AACS: variants seen among roughly 807,000 people sequenced by gnomAD.
The protein encoded by AACS is acetoacetate-CoA ligase.
AACS carries 69 observed loss-of-function variants against 83.1 expected under a neutral mutation model. That is an observed-to-expected ratio of 0.83 (90% CI 0.68 to 1.01). The LOEUF is 1.01. Ranked by LOEUF, AACS falls within the 50% of genes least tolerant of loss-of-function variation. The probability of loss-of-function intolerance (pLI) is 0.00; values close to 1 mark genes in which losing one functional copy is unlikely to be tolerated. For missense variants in AACS, 866 were observed against 882.2 expected (o/e 0.98, Z 0.23); for synonymous variants, 333 against 343.4 (o/e 0.97, Z 0.33).
At chr12:125,076,998 C>T (rs1323914102) in intron 3 of AACS, among the ~76,000 whole-genome samples, 12 of 152,070 alleles carry the variant, frequency 7.9e-5, no homozygotes, top group African/African-American at 2.9e-4. Flanking sequence ...GCCTCAATCT[C>T]CCAGGCTCAA....
At chr12:125,082,804 G>A (rs1162258230) in intron 3 of AACS, among the ~76,000 whole-genome samples, 1 of 152,136 alleles carries the variant, frequency 6.6e-6, no homozygotes, top group Non-Finnish European at 1.5e-5. Context: ...CTGGGTGACA[G>A]AGCGAGACTC....
intron 8 of AACS, among the ~76,000 whole-genome samples, chr12:125,111,003 C>T (rs917983571): frequency 6.6e-6 from 1 of 151,862 alleles, no homozygotes; most frequent in South Asian, 2.1e-4. Flanking sequence ...AGCCTGTCCA[C>T]GCACAGCAGG....
chr12:125,128,525 G>A lies in AACS; in HGVS notation c.1423+251G>A, dbSNP rs7295023. ...GAGAGATGTGTGCTCGGGAACAGTG[G>A]GCAGGTGGGTGGTCATTGCCCTGCA... On this transcript the variant is annotated intron_variant, in intron 13 of 17. Transcript: ENST00000316519. 863 of 325,124 alleles carry A rather than the reference G, an allele frequency of 2.7e-3. 9 individuals are homozygous for A. Among genetic ancestry groups the A allele is most frequent in the African/African-American group, 0.017 (801 of 47,062 alleles). The allele number at this position is 325,124 out of a possible 1,614,324, so 20.1% of individuals were successfully genotyped here.
chr12:125,141,702 AAAAAAAAAG>A (rs1296945860), intron 17 of AACS: 5 of 146,280 alleles, frequency 3.4e-5, no homozygotes, highest in South Asian at 1.7e-4. Flanking sequence ...GTCTCAAAAA[AAAAAAAAAG>A]AAAAAAAAAG....
chr12:125,093,954 G>A (rs1262788137), intron 5 of AACS, among the ~76,000 whole-genome samples: 2 of 152,208 alleles, frequency 1.3e-5, no homozygotes. Context: ...GGGCCTGCGT[G>A]GATGCCATGT....
Position 125,091,524 on chromosome 12 carries a change from G to A in AACS, c.570+1G>A, listed in dbSNP as rs759152424. 23 of 1,614,092 alleles carry A rather than the reference G, an allele frequency of 1.4e-5. No homozygotes were observed. The Admixed American group carries it at 3.5e-4, about 25-fold the overall frequency. On this transcript the variant is annotated splice_donor_variant, in intron 5 of 17. Coordinates refer to ENST00000316519, the MANE Select transcript of AACS (RefSeq NM_023928.5). LOFTEE classifies it high-confidence loss of function. ...CACGTCCCCGGACTTCGGTGTGAAT[G>A]TGAGTCAGGGTCTGTGACAGAGGGG...
intron 16 of AACS, 137 bp from the exon 17 acceptor site, chr12:125,136,525 G>A: frequency 1.5e-6 from 1 of 650,526 alleles, no homozygotes; most frequent in Admixed American, 2.8e-5. Flanking sequence ...TCTCCTGGGT[G>A]GACTGGGAGA....
rs114382888 is a variant in AACS at position 125,092,643 on chromosome 12, G to A, written c.570+1120G>A. ...ATCTGTACTGTGTGGCTGGATGGCC[G>A]TGCCCTGCCTTCTGGAACTTTCCTG... On this transcript the variant is annotated intron_variant, in intron 5 of 17. Coordinates refer to ENST00000316519, the MANE Select transcript of AACS (RefSeq NM_023928.5). 724 of 152,440 alleles carry A rather than the reference G, an allele frequency of 4.7e-3. 10 individuals are homozygous for A. The highest frequency in any genetic ancestry group is 0.017 in the African/African-American group (686 of 41,520). 9.4% of individuals were successfully genotyped at this position (152,440 alleles called of 1,614,324 possible).
chr12:125,096,869 GC>G (rs1956619767), intron 5 of AACS, among the ~76,000 whole-genome samples: 1 of 152,066 alleles, frequency 6.6e-6, no homozygotes, highest in South Asian at 2.1e-4. Context: ...CTGTTTAGAT[GC>G]CTTGTTCCAG....
chr12:125,095,030 T>C (rs1956576445), intron 5 of AACS, among the ~76,000 whole-genome samples: 1 of 147,816 alleles, frequency 6.8e-6, no homozygotes, highest in African/African-American at 2.5e-5. Context: ...TGTGTCTGTG[T>C]GTGTAAATAG....
chr12:125,122,793 T>A (rs1019433130), intron 10 of AACS: 3 of 152,134 alleles, frequency 2.0e-5, no homozygotes, highest in African/African-American at 7.2e-5. Context: ...GATCCACACT[T>A]CCCTCCGAAC....
intron 5 of AACS, among the ~76,000 whole-genome samples, chr12:125,096,120 A>G (rs908850565): frequency 3.3e-5 from 5 of 152,064 alleles, no homozygotes; most frequent in African/African-American, 7.2e-5. Flanking sequence ...GCCTGCCACC[A>G]TATCCAGCTA....
At chr12:125,137,708 G>C (rs1025410622) in intron 17 of AACS, among the ~76,000 whole-genome samples, 1 of 152,190 alleles carries the variant, frequency 6.6e-6, no homozygotes, top group African/African-American at 2.4e-5. Context: ...TTACAAAACG[G>C]ATACCCCGCA....
chr12:125,070,701 T>C (rs1003578400), intron 1 of AACS, among the ~76,000 whole-genome samples: 3 of 152,178 alleles, frequency 2.0e-5, no homozygotes, highest in Non-Finnish European at 4.4e-5. Flanking sequence ...GCACCTGATA[T>C]GTATCAACTA....
intron 14 of AACS, among the ~76,000 whole-genome samples, chr12:125,132,703 C>A (rs1957344922): frequency 1.3e-5 from 2 of 151,964 alleles, no homozygotes; most frequent in Non-Finnish European, 2.9e-5. Context: ...TCTTTTTTTG[C>A]ATTGGAATAA....
chr12:125,110,886 G>A (rs560229521), intron 8 of AACS, among the ~76,000 whole-genome samples: 5 of 152,300 alleles, frequency 3.3e-5, no homozygotes, highest in African/African-American at 1.2e-4. Context: ...TTTTTACAGA[G>A]TATTTTCATC....
At chr12:125,109,510 C>G (rs560800183) in intron 8 of AACS, among the ~76,000 whole-genome samples, 14 of 152,302 alleles carry the variant, frequency 9.2e-5, no homozygotes, top group Middle Eastern at 3.4e-3. Flanking sequence ...TTTGTTGAAC[C>G]AGTTGAGAGT....
At chr12:125,067,136 G>A (rs568038194) in intron 1 of AACS, among the ~76,000 whole-genome samples, 6 of 152,176 alleles carry the variant, frequency 3.9e-5, no homozygotes, top group Non-Finnish European at 5.9e-5. Flanking sequence ...CTGCCTGGCA[G>A]CTTCCAGGCC....
chr12:125,119,971 CTCA>C (rs1957125842), intron 10 of AACS: 1 of 152,242 alleles, frequency 6.6e-6, no homozygotes, highest in Non-Finnish European at 1.5e-5. Context: ...TCTTCCTCAC[CTCA>C]TCATAACTGC....
Sources: allele counts gnomAD v4.1 joint callset (sites outside exome capture counted in the v4.1 genomes callset), GRCh38; gene constraint gnomAD v4.1.1; transcripts MANE v1.5; gene names NCBI Gene and HGNC (gene_info 2026-07-23, HGNC 2026-07-21).